Variants in BIN1 observed in about 807,000 individuals in gnomAD.
BIN1 encodes the protein bridging integrator 1, also known as myc box-dependent-interacting protein 1.
In BIN1, 53 loss-of-function variants were observed where a neutral mutation model predicts 82.0. That is an observed-to-expected ratio of 0.65 (90% CI 0.52 to 0.81). The LOEUF is 0.81. BIN1 is among the 40% of genes least tolerant of loss of function. The pLI is 0.00. For missense variants in BIN1, 642 were observed against 784.4 expected (o/e 0.82, Z 2.17); for synonymous variants, 302 against 328.0 (o/e 0.92, Z 0.86).
At chr2:127,075,208 C>T (rs921245411) in intron 2 of BIN1, among the ~76,000 whole-genome samples, 4 of 148,444 alleles carry the variant, frequency 2.7e-5, no homozygotes, top group Non-Finnish European at 4.5e-5. Flanking sequence ...CCTCAAGTGC[C>T]TCATCTGCAA....
chr2:127,084,169 C>A (rs1441370820), intron 1 of BIN1, among the ~76,000 whole-genome samples: 1 of 152,182 alleles, frequency 6.6e-6, no homozygotes, highest in Admixed American at 6.5e-5. Flanking sequence ...CCTGCTGAAC[C>A]AGAGTGTTCC....
intron 1 of BIN1, among the ~76,000 whole-genome samples, chr2:127,098,580 G>A (rs1679901185): frequency 6.6e-6 from 1 of 151,248 alleles, no homozygotes; most frequent in Non-Finnish European, 1.5e-5. Context: ...CTGTTGCTGT[G>A]ACCCCAATCC....
intron 1 of BIN1, among the ~76,000 whole-genome samples, chr2:127,087,759 G>A (rs753704204): frequency 6.6e-6 from 1 of 152,054 alleles, no homozygotes; most frequent in Non-Finnish European, 1.5e-5. Flanking sequence ...GCTAGAATCC[G>A]CACACGGCCC....
intron 18 of BIN1, 43 bp from the exon 19 acceptor site, chr2:127,048,676 C>A: frequency 6.3e-7 from 1 of 1,583,330 alleles, no homozygotes; most frequent in South Asian, 1.1e-5. Context: ...GAGCAAGGGG[C>A]TCCACCCCAC....
At chr2:127,058,745 G>A (rs896637400) in intron 11 of BIN1, among the ~76,000 whole-genome samples, 1 of 149,700 alleles carries the variant, frequency 6.7e-6, no homozygotes, top group African/African-American at 2.4e-5. Context: ...GCAGACAAAA[G>A]ACCAGGGAGA....
In BIN1 at chr2:127,107,053, C is replaced by A; in HGVS notation, c.-110G>T. 1.8e-6 allele frequency: 2 copies of A among 1,126,318 alleles called. No homozygotes were observed. The highest frequency in any genetic ancestry group is 2.3e-6 in the Non-Finnish European group (2 of 860,550). The allele number at this position is 1,126,318 out of a possible 1,614,324, so 69.8% of individuals were successfully genotyped here. ...CGCGCGTCCAGACCGGCTGCCGCTC[C>A]ACGCCGCGCACCCGACAGCGGAGCC... On this transcript the variant is annotated 5_prime_UTR_variant, in exon 1 of 19. Transcript: ENST00000316724. The surrounding 1 kb of genome is among the most constrained non-coding windows in gnomAD (Gnocchi z 5.9).
intron 12 of BIN1, 112 bp from the exon 13 acceptor site, chr2:127,054,124 C>A (rs1462520258): frequency 1.2e-6 from 1 of 836,154 alleles, no homozygotes; most frequent in Non-Finnish European, 2.0e-6. Context: ...CACACATACA[C>A]ACACCACGCA....
intron 1 of BIN1, among the ~76,000 whole-genome samples, chr2:127,089,647 G>T (rs978534643): frequency 1.3e-5 from 2 of 151,980 alleles, no homozygotes; most frequent in Non-Finnish European, 2.9e-5. Context: ...CCACCCACCT[G>T]CCCCTCAGTC....
rs1012020905 is a variant in BIN1, at chr2:127,053,985, G to C, written c.1159C>G (p.Gln387Glu). 6 of 1,551,304 alleles carry C rather than the reference G, an allele frequency of 3.9e-6. No homozygotes were observed. Among genetic ancestry groups the C allele is most frequent in the Non-Finnish European group, 4.4e-6 (5 of 1,146,972 alleles). The change falls in exon 13 of 19, where the codon CAG (glutamine) becomes GAG (glutamate). Residue 387 changes from glutamine (Q) to glutamate (E), a missense_variant. Gln to Glu is a conservative substitution (Grantham distance 29). Transcript: ENST00000316724. ...QFEAPGPFSE[Q>E]ASLLDLDFDP... ...AAGTCCAGGTCCAGCAGACTGGCCT[G>C]CTCCGAGAAAGGCCCCGGGGCCTCA... is the stretch of plus-strand genomic sequence containing the variant.
chr2:127,097,707 A>C (rs966083644), intron 1 of BIN1, among the ~76,000 whole-genome samples: 1 of 152,188 alleles, frequency 6.6e-6, no homozygotes, highest in African/African-American at 2.4e-5. Context: ...TCCTTGGCTG[A>C]GGCCAGACCA....
intron 1 of BIN1, among the ~76,000 whole-genome samples, chr2:127,094,580 A>T (rs1214831057): frequency 6.6e-6 from 1 of 152,210 alleles, no homozygotes; most frequent in African/African-American, 2.4e-5. Context: ...TGGCTCAGGC[A>T]CACAGTCTAA....
chr2:127,088,179 A>G (rs146274122), intron 1 of BIN1, among the ~76,000 whole-genome samples: 195 of 152,318 alleles, frequency 1.3e-3, no homozygotes, highest in Non-Finnish European at 2.2e-3. Context: ...GGATCTTCTC[A>G]TAACTCAGTT....
At chr2:127,052,446 G>C in intron 14 of BIN1, 84 bp from the exon 15 acceptor site, 2 of 1,305,820 alleles carry the variant, frequency 1.5e-6, no homozygotes, top group Non-Finnish European at 1.1e-6. Context: ...CAAGACAAGA[G>C]AAAATGTCAC....
chr2:127,072,991 C>G (rs947177154), intron 2 of BIN1, among the ~76,000 whole-genome samples: 3 of 152,234 alleles, frequency 2.0e-5, no homozygotes, highest in African/African-American at 7.2e-5. Flanking sequence ...CAGGCCTCCA[C>G]CATCCCAGCC....
rs1248181271 is a variant in BIN1 at position 127,093,102 on chromosome 2, G to C, written c.84+13758C>G. ...CCCACGCTAGGGCTGTCCACAGAGA[G>C]AGGGGTCAGGGAGGGAGGGCGGAAG... On this transcript the variant is annotated intron_variant, in intron 1 of 18. Coordinates refer to ENST00000316724, the MANE Select transcript of BIN1 (RefSeq NM_139343.3). This position sits in a 1 kb window ranked among gnomAD's most constrained non-coding sequence, Gnocchi z 5.7. Among the ~76,000 whole-genome samples, 1 of 151,704 alleles carries C rather than the reference G, an allele frequency of 6.6e-6. No homozygotes were observed. Among genetic ancestry groups the C allele is most frequent in the Non-Finnish European group, 1.5e-5 (1 of 68,026 alleles).
At chr2:127,102,314 G>A (rs1170257359) in intron 1 of BIN1, among the ~76,000 whole-genome samples, 1 of 152,190 alleles carries the variant, frequency 6.6e-6, no homozygotes, top group Non-Finnish European at 1.5e-5. Context: ...CTGGTCAGAT[G>A]CCAGTGAGAA....
rs1679139070 is a variant in BIN1 at position 127,093,035 on chromosome 2, C to G, written c.84+13825G>C. Among the ~76,000 whole-genome samples, 1 of 152,104 alleles carries G rather than the reference C, an allele frequency of 6.6e-6. No homozygotes were observed. The highest frequency in any genetic ancestry group is 1.5e-5 in the Non-Finnish European group (1 of 68,010). ...GGGAGCCAAAGGAGTGGGGCACAGC[C>G]TGGGGGCCCCCCCACAGATGCCAGG... On this transcript the variant is annotated intron_variant, in intron 1 of 18. Transcript: ENST00000316724. This position sits in a 1 kb window ranked among gnomAD's most constrained non-coding sequence, Gnocchi z 5.7.
rs570114755 is a variant in BIN1 at position 127,068,583 on chromosome 2, A to G, written c.520-328T>C. Reference sequence around the variant, plus strand: ...CTGCACCTACTGGCTCGCTCCAGCCAGGGACAGGTCGCCTGGGATCGCGTG... The same window carrying G: ...CTGCACCTACTGGCTCGCTCCAGCCGGGGACAGGTCGCCTGGGATCGCGTG... On this transcript the variant is annotated intron_variant, in intron 6 of 18. Transcript: ENST00000316724. This position sits in a 1 kb window ranked among gnomAD's most constrained non-coding sequence, Gnocchi z 4.9. 1.2e-4 allele frequency among the ~76,000 whole-genome samples: 18 copies of G among 152,298 alleles called. No homozygotes were observed. The highest frequency in any genetic ancestry group is 3.3e-4 in the Admixed American group (5 of 15,314).
At chr2:127,071,147 T>C (rs987285294) in intron 2 of BIN1, among the ~76,000 whole-genome samples, 1 of 151,440 alleles carries the variant, frequency 6.6e-6, no homozygotes, top group Non-Finnish European at 1.5e-5. Flanking sequence ...ACAGCACCAG[T>C]GTGCAGCAGC....
Sources: gnomAD v4.1 joint callset for allele counts (sites outside exome capture counted in the v4.1 genomes callset) on GRCh38, gnomAD v4.1.1 for gene constraint, Gnocchi (gnomAD v3.1) non-coding constraint, MANE v1.5 for transcripts, NCBI Gene and HGNC (gene_info 2026-07-23, HGNC 2026-07-21) for gene names.